The following LSAMP variants were observed in gnomAD, a reference collection of about 807,000 sequenced individuals.
The protein encoded by LSAMP is limbic system associated membrane protein.
Under a neutral mutation model 38.6 loss-of-function variants are expected in LSAMP, and 7 were observed. The ratio of observed to expected loss-of-function variants is 0.18; its 90% confidence interval spans 0.10 to 0.34. The LOEUF is 0.34. LSAMP is among the 10% of genes least tolerant of loss of function. The pLI is 1.00. For missense variants in LSAMP, 313 were observed against 420.0 expected (o/e 0.75, Z 2.23); for synonymous variants, 154 against 166.8 (o/e 0.92, Z 0.59).
chr3:116,151,941 A>C (rs1692927866), intron 1 of LSAMP, among the ~76,000 whole-genome samples: 1 of 152,226 alleles, frequency 6.6e-6, no homozygotes, highest in Middle Eastern at 3.4e-3. Flanking sequence ...TAGTTGGAGA[A>C]CAAAATAATA....
chr3:115,895,398 A>T (rs1034830850), intron 3 of LSAMP, among the ~76,000 whole-genome samples: 19 of 152,214 alleles, frequency 1.2e-4, no homozygotes, highest in Admixed American at 6.6e-4. Context: ...GGGTATTGGG[A>T]GCAAGGGTCT....
At chr3:115,927,186 A>G (rs760970888) in intron 3 of LSAMP, among the ~76,000 whole-genome samples, 23 of 152,306 alleles carry the variant, frequency 1.5e-4, no homozygotes, top group Non-Finnish European at 2.1e-4. Flanking sequence ...CATAAAGGAC[A>G]TTGATCTCAA....
chr3:115,823,197 A>G (rs1190951706), intron 6 of LSAMP, among the ~76,000 whole-genome samples: 1 of 152,222 alleles, frequency 6.6e-6, no homozygotes, highest in East Asian at 1.9e-4. Context: ...CCACATCTGA[A>G]AGGAGGACTC....
chr3:115,937,760 C>G (rs1937755278), intron 3 of LSAMP, among the ~76,000 whole-genome samples: 1 of 150,146 alleles, frequency 6.7e-6, no homozygotes, highest in African/African-American at 2.5e-5. Flanking sequence ...AAAAGGGAAG[C>G]CCGCAGCATG....
chr3:116,151,341 C>A (rs1709604681), intron 1 of LSAMP, among the ~76,000 whole-genome samples: 1 of 152,012 alleles, frequency 6.6e-6, no homozygotes, highest in Middle Eastern at 3.4e-3. Flanking sequence ...CTGGGGATGA[C>A]AACATGTGAG....
chr3:116,019,535 C>G lies in LSAMP; in HGVS notation c.494G>C (p.Trp165Ser). The change falls in exon 3 of 7, where the codon TGG (tryptophan) becomes TCG (serine). Residue 165 changes from tryptophan (W) to serine (S), a missense_variant. Trp to Ser is a radical substitution (Grantham distance 177). Transcript: ENST00000490035. ...CTTACCAGTTGGTGTAAGGTGTCTC[C>G]AGGTGATAACAGGTTCAGGACGGCC... ...ANGRPEPVIT[W>S]RHLTPTGREF... The G allele has an allele frequency of 6.2e-7, 1 of 1,612,356 alleles. No individual in the cohort carries two copies. Among genetic ancestry groups the G allele is most frequent in the Non-Finnish European group, 8.5e-7 (1 of 1,178,826 alleles).
rs539885581 is a variant in LSAMP at position 116,249,736 on chromosome 3, C to T, written c.156-163180G>A. 4.6e-5 allele frequency among the ~76,000 whole-genome samples: 7 copies of T among 151,716 alleles called. 1 individual carries two copies. The South Asian group carries it at 1.3e-3, about 27-fold the overall frequency. On this transcript the variant is annotated intron_variant, in intron 1 of 6. Coordinates refer to ENST00000490035, the MANE Select transcript of LSAMP (RefSeq NM_002338.5). ...GGGTACCGTATATCCAAGAGAGTCC[C>T]GAAAAATTAGTATTTTCAGCAAAAT...
chr3:116,389,762 T>C (rs1456725976), intron 1 of LSAMP, among the ~76,000 whole-genome samples: 3 of 152,188 alleles, frequency 2.0e-5, no homozygotes, highest in Non-Finnish European at 4.4e-5. Flanking sequence ...GTTGGAATCC[T>C]CTACTGACTT....
intron 3 of LSAMP, among the ~76,000 whole-genome samples, chr3:115,861,725 G>A (rs1935708572): frequency 6.6e-6 from 1 of 152,186 alleles, no homozygotes; most frequent in African/African-American, 2.4e-5. Context: ...AAGATAATGA[G>A]TTCCATTCTA....
chr3:116,406,899 GA>G (rs2048904863), intron 1 of LSAMP, among the ~76,000 whole-genome samples: 1 of 151,960 alleles, frequency 6.6e-6, no homozygotes, highest in South Asian at 2.1e-4. Context: ...GGTAAAAAGA[GA>G]AAGCGCAAAG....
chr3:115,832,495 C>G (rs1175402528), intron 6 of LSAMP, among the ~76,000 whole-genome samples: 7 of 152,146 alleles, frequency 4.6e-5, no homozygotes. Context: ...GGGTACTTAA[C>G]TGGCACCATA....
intron 1 of LSAMP, among the ~76,000 whole-genome samples, chr3:116,353,344 C>G (rs1307958851): frequency 3.3e-5 from 5 of 152,044 alleles, no homozygotes; most frequent in African/African-American, 1.2e-4. Flanking sequence ...TAGTTCTGCA[C>G]AAGAGTTATA....
At chr3:115,932,403 CT>C (rs1937594028) in intron 3 of LSAMP, among the ~76,000 whole-genome samples, 1 of 152,048 alleles carries the variant, frequency 6.6e-6, no homozygotes, top group Non-Finnish European at 1.5e-5. Context: ...TGAATGGATA[CT>C]TTTTAAAAAA....
At chr3:116,439,716 G>A (rs2049406544) in intron 1 of LSAMP, among the ~76,000 whole-genome samples, 1 of 152,142 alleles carries the variant, frequency 6.6e-6, no homozygotes, top group Non-Finnish European at 1.5e-5. Context: ...GATAGTTTCA[G>A]CATTTTTATT....
intron 1 of LSAMP, among the ~76,000 whole-genome samples, chr3:116,260,237 CA>C (rs1182495454): frequency 1.3e-5 from 2 of 152,032 alleles, no homozygotes; most frequent in South Asian, 2.1e-4. Context: ...AGGGCTTAAA[CA>C]AACACACTTG....
intron 1 of LSAMP, among the ~76,000 whole-genome samples, chr3:116,313,332 T>G (rs1004665021): frequency 6.6e-6 from 1 of 152,214 alleles, no homozygotes; most frequent in African/African-American, 2.4e-5. Context: ...GATAATTACA[T>G]GTGTAACTCA....
chr3:116,403,252 T>C (rs2048860801), intron 1 of LSAMP, among the ~76,000 whole-genome samples: 1 of 152,216 alleles, frequency 6.6e-6, no homozygotes, highest in African/African-American at 2.4e-5. Context: ...TCTGAGACTT[T>C]TCTACGTGGC....
At chr3:116,179,622 G>A (rs1710436872) in intron 1 of LSAMP, among the ~76,000 whole-genome samples, 1 of 152,094 alleles carries the variant, frequency 6.6e-6, no homozygotes, top group African/African-American at 2.4e-5. Flanking sequence ...GCCGGAGCAG[G>A]AGGAAGAGAG....
intron 1 of LSAMP, among the ~76,000 whole-genome samples, chr3:116,130,877 G>A (rs1374126754): frequency 6.7e-6 from 1 of 150,312 alleles, no homozygotes; most frequent in Non-Finnish European, 1.5e-5. Flanking sequence ...CTCCCTTTTC[G>A]AATTCTTCCA....
Sources: gnomAD v4.1 joint callset for allele counts (sites outside exome capture counted in the v4.1 genomes callset) on GRCh38, gnomAD v4.1.1 for gene constraint, MANE v1.5 for transcripts, NCBI Gene and HGNC (gene_info 2026-07-23, HGNC 2026-07-21) for gene names.